Variants in ZNF804B observed in about 807,000 individuals in gnomAD.
ZNF804B encodes zinc finger protein 804B.
ZNF804B carries 80 observed loss-of-function variants against 101.4 expected under a neutral mutation model. The ratio of observed to expected loss-of-function variants is 0.79; its 90% CI spans 0.66 to 0.95. ZNF804B has a LOEUF of 0.95. Ranked by LOEUF, ZNF804B falls within the 40% of genes least tolerant of loss-of-function variation. ZNF804B has a pLI of 0.00. For synonymous variants in ZNF804B, 622 were observed against 558.8 expected, an observed-to-expected ratio of 1.11 and a Z score of -1.59; for missense variants, 1,673 against 1,561.9, an observed-to-expected ratio of 1.07 and a Z score of -1.20.
intron 1 of ZNF804B, among the ~76,000 whole-genome samples, chr7:88,933,188 CA>C (rs1792915228): frequency 6.6e-6 from 1 of 151,676 alleles, no homozygotes. Flanking sequence ...GAATTAAAAA[CA>C]AAAACCACAT....
chr7:89,146,206 C>T (rs1790789517), intron 1 of ZNF804B, among the ~76,000 whole-genome samples: 2 of 152,128 alleles, frequency 1.3e-5, no homozygotes, highest in Admixed American at 1.3e-4. Context: ...AATCAATGAA[C>T]ATTTATAAGT....
At chr7:88,857,119 G>C (rs367936829) in intron 1 of ZNF804B, among the ~76,000 whole-genome samples, 1 of 152,018 alleles carries the variant, frequency 6.6e-6, no homozygotes, top group South Asian at 2.1e-4. Flanking sequence ...GCAGTGCGTG[G>C]AGGGAAATTT....
intron 1 of ZNF804B, among the ~76,000 whole-genome samples, chr7:88,990,205 ACTAT>A (rs1364465169): frequency 6.6e-6 from 1 of 151,962 alleles, no homozygotes; most frequent in Admixed American, 6.6e-5. Context: ...TGCTTATAAG[ACTAT>A]CTACTGTAGA....
At chr7:89,012,244 A>G (rs1379815030) in intron 1 of ZNF804B, among the ~76,000 whole-genome samples, 1 of 151,782 alleles carries the variant, frequency 6.6e-6, no homozygotes, top group African/African-American at 2.4e-5. Context: ...CCACAAAACC[A>G]TTTTTTCCTC....
intron 1 of ZNF804B, among the ~76,000 whole-genome samples, chr7:88,921,220 T>C (rs1418654422): frequency 6.6e-6 from 1 of 151,952 alleles, no homozygotes; most frequent in Non-Finnish European, 1.5e-5. Context: ...GTTGGGAGAA[T>C]GCAAAGTTGG....
intron 2 of ZNF804B, among the ~76,000 whole-genome samples, chr7:89,296,568 A>G (rs946016728): frequency 1.3e-4 from 20 of 152,126 alleles, no homozygotes; most frequent in African/African-American, 4.6e-4. Flanking sequence ...CTCATTACTG[A>G]TTCCTTTCAG....
chr7:88,942,777 T>A (rs1793074918), intron 1 of ZNF804B, among the ~76,000 whole-genome samples: 1 of 151,898 alleles, frequency 6.6e-6, no homozygotes, highest in Non-Finnish European at 1.5e-5. Context: ...TTGGTTCTTC[T>A]TGGCATTTAT....
intron 1 of ZNF804B, among the ~76,000 whole-genome samples, chr7:89,172,151 A>G (rs1468616462): frequency 6.6e-6 from 1 of 152,170 alleles, no homozygotes; most frequent in Admixed American, 6.5e-5. Flanking sequence ...ACTAGTAACT[A>G]TGACACTCAG....
At chr7:88,856,991 C>T (rs1165593016) in intron 1 of ZNF804B, among the ~76,000 whole-genome samples, 4 of 152,110 alleles carry the variant, frequency 2.6e-5, no homozygotes, top group African/African-American at 7.2e-5. Context: ...TTTTGATGTG[C>T]TGCTGGATTC....
At position 89,336,386 on chromosome 7, in the gene ZNF804B, G is replaced by A. The variant is rs867552209; in HGVS notation, c.3404G>A (p.Cys1135Tyr). 7 of 1,614,050 alleles carry A rather than the reference G, an allele frequency of 4.3e-6. No homozygotes were observed. In the Middle Eastern group the frequency reaches 1.2e-3, roughly 266 times the overall value. Residue 1135 changes from cysteine (C) to tyrosine (Y), a missense_variant, in exon 4 of 4, where the codon TGT becomes TAT. By Grantham distance (194) the Cys-to-Tyr change is radical. Transcript: ENST00000333190. ...AAAGTCGAAGACGGATTAGAAATGTGTCATAAATCTATCTCTCCCCCTTTA... is the reference window on the plus strand; with the variant it reads ...AAAGTCGAAGACGGATTAGAAATGTATCATAAATCTATCTCTCCCCCTTTA... ...PDKVEDGLEM[C>Y]HKSISPPLIQ...
chr7:89,024,750 G>A (rs1471119030), intron 1 of ZNF804B, among the ~76,000 whole-genome samples: 1 of 150,584 alleles, frequency 6.6e-6, no homozygotes, highest in Non-Finnish European at 1.5e-5. Flanking sequence ...ACATTCCATG[G>A]ACCTGTGTAG....
intron 1 of ZNF804B, among the ~76,000 whole-genome samples, chr7:89,156,072 C>CTT (rs1454798292): frequency 1.3e-3 from 60 of 46,578 alleles, no homozygotes; most frequent in African/African-American, 2.5e-3. Flanking sequence ...TTCTTTCTTT[C>CTT]TCTCTTTCTC....
intron 1 of ZNF804B, among the ~76,000 whole-genome samples, chr7:89,046,318 G>GA (rs1584093191): frequency 6.6e-6 from 1 of 152,048 alleles, no homozygotes; most frequent in Non-Finnish European, 1.5e-5. Context: ...ATACACCTCT[G>GA]AAAAAAGTTG....
intron 1 of ZNF804B, among the ~76,000 whole-genome samples, chr7:89,085,066 G>A (rs143882755): frequency 2.0e-5 from 3 of 151,688 alleles, no homozygotes; most frequent in African/African-American, 7.3e-5. Context: ...CATTTTCCTT[G>A]AACTTTCTTT....
intron 1 of ZNF804B, among the ~76,000 whole-genome samples, chr7:88,822,678 A>G (rs1791000403): frequency 6.6e-6 from 1 of 152,232 alleles, no homozygotes; most frequent in Non-Finnish European, 1.5e-5. Flanking sequence ...ACTTGACAGC[A>G]GCACCACAAT....
At chr7:89,258,244 T>G (rs936177555) in intron 2 of ZNF804B, among the ~76,000 whole-genome samples, 2 of 152,128 alleles carry the variant, frequency 1.3e-5, no homozygotes, top group African/African-American at 4.8e-5. Context: ...CCAATTTAAG[T>G]AAGGAACTTG....
At chr7:89,055,216 G>A (rs922713550) in intron 1 of ZNF804B, among the ~76,000 whole-genome samples, 1 of 152,074 alleles carries the variant, frequency 6.6e-6, no homozygotes, top group Non-Finnish European at 1.5e-5. Flanking sequence ...AGGAAAGGCT[G>A]AGTACAAAGA....
rs183913698 is a variant in ZNF804B, at chr7:88,890,269, A to T, written c.108+130185A>T. Among the ~76,000 whole-genome samples, 620 of 152,260 alleles carry T rather than the reference A, an allele frequency of 4.1e-3. 7 individuals are homozygous for T. The highest frequency in any genetic ancestry group is 0.014 in the African/African-American group (592 of 41,554). On this transcript the variant is annotated intron_variant, in intron 1 of 3. Coordinates refer to ENST00000333190, the MANE Select transcript of ZNF804B (RefSeq NM_181646.5). ...TTCAATTTTAACTTTGAATTTTAAA[A>T]TTATTTGTATGTATGATATTAAGTA... is the stretch of plus-strand genomic sequence containing the variant.
chr7:89,277,501 A>C (rs1208857), intron 2 of ZNF804B, among the ~76,000 whole-genome samples: 9,409 of 25,330 alleles, frequency 0.37, 1,134 homozygotes, highest in Non-Finnish European at 0.39. Context: ...CCTCCCCCCT[A>C]CCCCCACCCC....
Sources: allele counts gnomAD v4.1 joint callset (sites outside exome capture counted in the v4.1 genomes callset), GRCh38; gene constraint gnomAD v4.1.1; transcripts MANE v1.5; gene names NCBI Gene and HGNC (gene_info 2026-07-23, HGNC 2026-07-21).